Variants in NRXN3 observed in about 807,000 individuals in gnomAD.
NRXN3 encodes the protein neurexin 3, also known as neurexin III.
A neutral mutation model predicts 137.6 loss-of-function variants in NRXN3; 32 were observed. The ratio of observed to expected loss-of-function variants is 0.23; its 90% confidence interval spans 0.18 to 0.31. The LOEUF is 0.31. Ranked by LOEUF, NRXN3 falls within the 10% of genes least tolerant of loss-of-function variation. NRXN3 has a pLI of 1.00. For synonymous variants in NRXN3, 798 were observed against 784.5 expected (o/e 1.02, Z -0.29); for missense variants, 1,574 against 2,062.5 (o/e 0.76, Z 4.59).
At chr14:78,500,640 A>G (rs529709658) in intron 4 of NRXN3, among the ~76,000 whole-genome samples, 16 of 152,290 alleles carry the variant, frequency 1.1e-4, no homozygotes, top group Admixed American at 5.2e-4. Context: ...CATCTGACTG[A>G]GAAAGACTTT....
intron 8 of NRXN3, among the ~76,000 whole-genome samples, chr14:78,778,661 T>A (rs2098752592): frequency 6.7e-6 from 1 of 149,722 alleles, no homozygotes; most frequent in Non-Finnish European, 1.5e-5. Flanking sequence ...CTTCTTTTCC[T>A]TTTCTTTTCT....
rs370524466 is a variant in NRXN3, at chr14:79,803,463, G to A, written c.4015-1649G>A. Among the ~76,000 whole-genome samples the A allele has an allele frequency of 5.3e-5, 8 of 152,212 alleles. No individual in the cohort carries two copies. The South Asian group carries it at 6.2e-4, about 12-fold the overall frequency. ...GGCTTGCAGATGACTATCTGCCAGCGTCTTTATATGGCCTTCCTCCCACTG... is the reference window on the plus strand; with the variant it reads ...GGCTTGCAGATGACTATCTGCCAGCATCTTTATATGGCCTTCCTCCCACTG... On this transcript the variant is annotated intron_variant, in intron 19 of 20. Coordinates refer to ENST00000335750, the MANE Select transcript of NRXN3 (RefSeq NM_001330195.2).
intron 1 of NRXN3, among the ~76,000 whole-genome samples, chr14:78,171,796 G>A (rs571088423): frequency 1.9e-4 from 29 of 152,162 alleles, no homozygotes; most frequent in African/African-American, 6.7e-4. Context: ...TAATTTGGAT[G>A]TAGAAATATC....
At chr14:79,169,802 G>A (rs2153089669) in intron 15 of NRXN3, among the ~76,000 whole-genome samples, 1 of 152,164 alleles carries the variant, frequency 6.6e-6, no homozygotes, top group South Asian at 2.1e-4. Flanking sequence ...GGAATTCTGA[G>A]GCCCAGGTAA....
intron 4 of NRXN3, among the ~76,000 whole-genome samples, chr14:78,338,447 G>C (rs1045728481): frequency 6.6e-6 from 1 of 152,166 alleles, no homozygotes; most frequent in African/African-American, 2.4e-5. Flanking sequence ...TTTGCTGGTG[G>C]GGGAATGGGG....
Position 78,714,750 on chromosome 14 carries a change from C to T in NRXN3, c.1661-6C>T. The T allele has an allele frequency of 3.7e-6, 6 of 1,610,790 alleles. No individual in the cohort carries two copies. The highest frequency in any genetic ancestry group is 5.1e-6 in the Non-Finnish European group (6 of 1,177,348). On this transcript the variant is annotated splice_polypyrimidine_tract_variant and splice_region_variant and intron_variant, in intron 7 of 20. Transcript: ENST00000335750. The stretch of plus-strand genomic sequence containing the variant: ...GACTCACCTGAGATCTGTCTTCCCA[C>T]CCCAGGTACTATATCAGTGAACAGC...
chr14:79,293,173 C>A (rs1308253233), intron 15 of NRXN3, among the ~76,000 whole-genome samples: 2 of 152,202 alleles, frequency 1.3e-5, no homozygotes, highest in Admixed American at 6.5e-5. Flanking sequence ...TTATTAAGAA[C>A]TCTCTTTCAG....
chr14:78,403,825 G>T, intron 4 of NRXN3: 1 of 985,356 alleles, frequency 1.0e-6, no homozygotes. Flanking sequence ...GCTTTCTCAG[G>T]GATATGCACT....
At chr14:78,387,805 T>TA (rs1343907793) in intron 4 of NRXN3, among the ~76,000 whole-genome samples, 1 of 152,230 alleles carries the variant, frequency 6.6e-6, no homozygotes, top group East Asian at 1.9e-4. Context: ...ATAATGCTTA[T>TA]AATGTAGTCT....
chr14:78,344,946 G>A (rs1321846846), intron 4 of NRXN3, among the ~76,000 whole-genome samples: 1 of 152,080 alleles, frequency 6.6e-6, no homozygotes, highest in Non-Finnish European at 1.5e-5. Flanking sequence ...ACTTTGTCAT[G>A]GTTTAGAAAG....
chr14:78,373,662 G>T (rs1011090873), intron 4 of NRXN3, among the ~76,000 whole-genome samples: 1 of 152,172 alleles, frequency 6.6e-6, no homozygotes, highest in South Asian at 2.1e-4. Flanking sequence ...AGGACTGCTG[G>T]ATGTGTAGGA....
At chr14:79,510,468 G>A (rs990587149) in intron 16 of NRXN3, among the ~76,000 whole-genome samples, 6 of 152,180 alleles carry the variant, frequency 3.9e-5, no homozygotes, top group African/African-American at 9.7e-5. Flanking sequence ...CTATCCCACC[G>A]ATTCAGAATA....
chr14:79,436,035 C>T (rs997587159), intron 15 of NRXN3, among the ~76,000 whole-genome samples: 4 of 152,148 alleles, frequency 2.6e-5, no homozygotes, highest in South Asian at 2.1e-4. Flanking sequence ...GAGTTCTGCT[C>T]GGAATGCCCT....
At position 78,233,281 on chromosome 14, in the gene NRXN3, A is replaced by G. The variant is rs535567670; in HGVS notation, c.-703-9110A>G. 4.6e-5 allele frequency among the ~76,000 whole-genome samples: 7 copies of G among 152,276 alleles called. No individual in the cohort carries two copies. In the South Asian group the frequency reaches 1.2e-3, roughly 27 times the overall value. ...AGGTATCCATATGGTTGCTTGGCCA[A>G]TAGTTAGTGAAAAGACAGTCTGGTT... On this transcript the variant is annotated intron_variant, in intron 1 of 20. Coordinates refer to ENST00000335750, the MANE Select transcript of NRXN3 (RefSeq NM_001330195.2).
At chr14:78,246,044 C>G (rs1291263236) in intron 2 of NRXN3, among the ~76,000 whole-genome samples, 1 of 152,148 alleles carries the variant, frequency 6.6e-6, no homozygotes, top group Non-Finnish European at 1.5e-5. Flanking sequence ...TCTCATTCGC[C>G]CAAAGGATCT....
intron 4 of NRXN3, among the ~76,000 whole-genome samples, chr14:78,397,033 G>T (rs965646156): frequency 1.3e-5 from 2 of 152,020 alleles, no homozygotes; most frequent in African/African-American, 4.8e-5. Flanking sequence ...AATCCTAATT[G>T]CCTCCTAAAA....
chr14:78,200,463 A>C (rs1466900702), intron 1 of NRXN3, among the ~76,000 whole-genome samples: 2 of 152,122 alleles, frequency 1.3e-5, no homozygotes, highest in Non-Finnish European at 2.9e-5. Flanking sequence ...TGTGAAATGC[A>C]CATTCTCAGG....
intron 4 of NRXN3, among the ~76,000 whole-genome samples, chr14:78,627,059 T>TTTTG (rs903719421): frequency 6.6e-6 from 1 of 151,888 alleles, no homozygotes; most frequent in Non-Finnish European, 1.5e-5. Context: ...CTCTTAGCTT[T>TTTTG]TTTGTTTGTT....
At chr14:78,893,138 T>C (rs1330219947) in intron 10 of NRXN3, among the ~76,000 whole-genome samples, 1 of 151,912 alleles carries the variant, frequency 6.6e-6, no homozygotes, top group Non-Finnish European at 1.5e-5. Flanking sequence ...GTCATCTTTC[T>C]CTTCCCCTGG....
Sources: gnomAD v4.1 joint callset for allele counts (sites outside exome capture counted in the v4.1 genomes callset) on GRCh38, gnomAD v4.1.1 for gene constraint, MANE v1.5 for transcripts, NCBI Gene and HGNC (gene_info 2026-07-23, HGNC 2026-07-21) for gene names.